The following INPP4B variants were observed in gnomAD, a reference collection of about 807,000 sequenced individuals.
INPP4B encodes the protein inositol polyphosphate 4-phosphatase type II.
A neutral mutation model predicts 122.5 loss-of-function variants in INPP4B; 55 were observed. The ratio of observed to expected loss-of-function variants is 0.45; its 90% confidence interval spans 0.36 to 0.56. The LOEUF is 0.56. Ranked by LOEUF, INPP4B falls within the 20% of genes least tolerant of loss-of-function variation. The pLI, the probability that INPP4B is intolerant of heterozygous loss-of-function variation, is 0.00. For synonymous variants in INPP4B, 403 were observed against 388.7 expected, an observed-to-expected ratio of 1.04 and a Z score of -0.43; for missense variants, 1,000 against 1,097.7, an observed-to-expected ratio of 0.91 and a Z score of 1.26.
intron 1 of INPP4B, among the ~76,000 whole-genome samples, chr4:142,825,377 C>G (rs939792206): frequency 5.3e-5 from 8 of 152,100 alleles, no homozygotes; most frequent in Non-Finnish European, 8.8e-5. Flanking sequence ...GAAGATTTTA[C>G]TGTAACTTTG....
At chr4:142,121,807 A>G (rs1342589897) in intron 21 of INPP4B, among the ~76,000 whole-genome samples, 1 of 152,148 alleles carries the variant, frequency 6.6e-6, no homozygotes, top group Non-Finnish European at 1.5e-5. Flanking sequence ...CCGCAAAAGT[A>G]AAAACACCCA....
chr4:142,726,401 C>T, intron 1 of INPP4B, among the ~76,000 whole-genome samples: 1 of 152,172 alleles, frequency 6.6e-6, no homozygotes, highest in Non-Finnish European at 1.5e-5. Context: ...TGTGGGACAA[C>T]TGTAAATAAC....
intron 2 of INPP4B, among the ~76,000 whole-genome samples, chr4:142,673,042 T>C (rs982041753): frequency 6.6e-6 from 1 of 152,178 alleles, no homozygotes; most frequent in African/African-American, 2.4e-5. Flanking sequence ...ATGGCCATCC[T>C]ACTTCTGTGA....
intron 25 of INPP4B, chr4:142,030,323 G>A (rs878972857): frequency 6.5e-7 from 1 of 1,528,326 alleles, no homozygotes; most frequent in Non-Finnish European, 8.8e-7. Flanking sequence ...AGGGGAAGTT[G>A]GGGGGGAAAA....
rs112622902 is a variant in INPP4B at position 142,321,450 on chromosome 4, C to A, written c.373-6688G>T. Among the ~76,000 whole-genome samples, 558 of 152,114 alleles carry A rather than the reference C, an allele frequency of 3.7e-3. 1 individual carries two copies. Among genetic ancestry groups the A allele is most frequent in the African/African-American group, 0.013 (530 of 41,508 alleles). On this transcript the variant is annotated intron_variant, in intron 7 of 25. Transcript: ENST00000262992. The stretch of plus-strand genomic sequence containing the variant: ...TAGTTTAATTAAATCCCATCTATTT[C>A]TCTCTGTTTTTGTTGCATTTGCTTT...
chr4:142,184,021 CAAATTT>C (rs1832061770), intron 15 of INPP4B, among the ~76,000 whole-genome samples: 1 of 152,016 alleles, frequency 6.6e-6, no homozygotes. Context: ...CCTTCTTCAC[CAAATTT>C]GATATCATTA....
chr4:142,210,204 T>C (rs1844321127), intron 12 of INPP4B, among the ~76,000 whole-genome samples: 1 of 152,212 alleles, frequency 6.6e-6, no homozygotes, highest in East Asian at 1.9e-4. Flanking sequence ...TCACGAGCTG[T>C]AGAATCTTTA....
intron 25 of INPP4B, among the ~76,000 whole-genome samples, chr4:142,046,695 G>A (rs1039035385): frequency 8.5e-5 from 13 of 152,062 alleles, no homozygotes; most frequent in Non-Finnish European, 1.9e-4. Flanking sequence ...TACTCTGTAT[G>A]TACTGGGGAG....
chr4:142,793,863 A>G (rs1776872046), intron 1 of INPP4B, among the ~76,000 whole-genome samples: 1 of 152,092 alleles, frequency 6.6e-6, no homozygotes, highest in Non-Finnish European at 1.5e-5. Flanking sequence ...AAATATATGC[A>G]ATGCATTTCT....
chr4:142,398,443 T>A (rs1200675556), intron 7 of INPP4B, among the ~76,000 whole-genome samples: 25 of 76,682 alleles, frequency 3.3e-4, no homozygotes, highest in East Asian at 8.5e-4. Flanking sequence ...TATATATATA[T>A]ATAAAACATA....
At chr4:142,057,621 G>A (rs145363251) in intron 25 of INPP4B, among the ~76,000 whole-genome samples, 459 of 152,160 alleles carry the variant, frequency 3.0e-3, no homozygotes, top group African/African-American at 0.01. Context: ...TAAAGATTAT[G>A]GATATTCTCA....
At chr4:142,053,698 A>C (rs1321757912) in intron 25 of INPP4B, among the ~76,000 whole-genome samples, 2 of 152,104 alleles carry the variant, frequency 1.3e-5, no homozygotes, top group Non-Finnish European at 2.9e-5. Context: ...ATGATAACCT[A>C]GACCTAGAAA....
At chr4:142,620,158 T>C (rs559378097) in intron 2 of INPP4B, among the ~76,000 whole-genome samples, 307 of 152,076 alleles carry the variant, frequency 2.0e-3, no homozygotes, top group Non-Finnish European at 3.7e-3. Context: ...AATGGGTATA[T>C]ACCTAAAGAA....
rs982260296 is a variant in INPP4B, at chr4:142,244,943, T to C, written c.689-6932A>G. Reference sequence around the variant, plus strand: ...CTAACTGGCATGAGATGGTATCTCATTGTGATTTTGATTTACATTTCTCTA... The same window carrying C: ...CTAACTGGCATGAGATGGTATCTCACTGTGATTTTGATTTACATTTCTCTA... On this transcript the variant is annotated intron_variant, in intron 11 of 25. Transcript: ENST00000262992. 7.2e-5 allele frequency among the ~76,000 whole-genome samples: 11 copies of C among 152,234 alleles called. No individual in the cohort carries two copies. The East Asian group carries it at 1.5e-3, about 21-fold the overall frequency.
At chr4:142,349,597 T>G (rs1288785773) in intron 7 of INPP4B, among the ~76,000 whole-genome samples, 1 of 152,016 alleles carries the variant, frequency 6.6e-6, no homozygotes, top group Admixed American at 6.6e-5. Context: ...AGGCCTTTTT[T>G]GACATCAATA....
chr4:142,482,230 T>C (rs553948443), intron 2 of INPP4B, among the ~76,000 whole-genome samples: 2 of 152,168 alleles, frequency 1.3e-5, no homozygotes, highest in Non-Finnish European at 2.9e-5. Flanking sequence ...TTCTTACTCA[T>C]TTGGGCTTCT....
chr4:142,264,870 G>A (rs940476811), intron 10 of INPP4B, among the ~76,000 whole-genome samples: 3 of 151,966 alleles, frequency 2.0e-5, no homozygotes, highest in African/African-American at 7.2e-5. Flanking sequence ...ATAAAGATGG[G>A]GTCTTAATAC....
chr4:142,290,952 A>T (rs1210954169), intron 9 of INPP4B, among the ~76,000 whole-genome samples: 1 of 152,122 alleles, frequency 6.6e-6, no homozygotes. Context: ...GCACTAGTTC[A>T]ATTTTTTTGA....
At chr4:142,279,766 C>A (rs893002968) in intron 9 of INPP4B, among the ~76,000 whole-genome samples, 1 of 151,840 alleles carries the variant, frequency 6.6e-6, no homozygotes, top group Non-Finnish European at 1.5e-5. Flanking sequence ...GTCAAAACTG[C>A]AAATTTGCTC....
Sources: gnomAD v4.1 joint callset for allele counts (sites outside exome capture counted in the v4.1 genomes callset) on GRCh38, gnomAD v4.1.1 for gene constraint, MANE v1.5 for transcripts, NCBI Gene and HGNC (gene_info 2026-07-23, HGNC 2026-07-21) for gene names.